NOL12: variants seen among roughly 807,000 people sequenced by gnomAD.
NOL12 encodes the protein nucleolar protein 12.
In NOL12, 21 loss-of-function variants were observed where a neutral mutation model predicts 25.2. That is an observed-to-expected ratio of 0.83 (90% CI 0.59 to 1.20). NOL12 has a LOEUF of 1.20. NOL12 is among the 50% of genes most tolerant of loss of function. The pLI is 0.00. For synonymous variants in NOL12, 133 were observed against 113.8 expected (o/e 1.17, Z -1.08); for missense variants, 286 against 287.6 (o/e 0.99, Z 0.04).
chr22:37,691,000 G>A (rs916647444), intron 5 of NOL12, 174 bp from the exon 6 acceptor site: 2 of 782,214 alleles, frequency 2.6e-6, no homozygotes, highest in African/African-American at 1.7e-5. Flanking sequence ...TGGGTGAAGG[G>A]CCTGTGTCTC....
intron 4 of NOL12, among the ~76,000 whole-genome samples, chr22:37,689,823 GT>G (rs1175511484): frequency 7.9e-5 from 12 of 152,064 alleles, no homozygotes; most frequent in Admixed American, 2.0e-4. Flanking sequence ...GGGGTCAGGA[GT>G]TTGAGACCAG....
At chr22:37,687,724 C>T (rs1359426135) in intron 1 of NOL12, 186 bp from the exon 2 acceptor site, 9 of 488,576 alleles carry the variant, frequency 1.8e-5, no homozygotes, top group African/African-American at 1.2e-4. Flanking sequence ...TTCCAAAGTA[C>T]TGGGATTACA....
At position 37,688,107 on chromosome 22, in the gene NOL12, C is replaced by T. The variant is rs1453640755; in HGVS notation, c.189+92C>T. The T allele has an allele frequency of 1.6e-5, 20 of 1,218,392 alleles. No individual in the cohort carries two copies. In the East Asian group the frequency reaches 3.6e-4, roughly 22 times the overall value. 75.5% of individuals were successfully genotyped at this position (1,218,392 alleles called of 1,614,324 possible). ...AATAGAGGCAGCTGCTGGCATGGGG[C>T]GATGTGTGTGTGGGCAGGACTGGGG... On this transcript the variant is annotated intron_variant, in intron 2 of 5. Coordinates refer to ENST00000359114, the MANE Select transcript of NOL12 (RefSeq NM_024313.3).
Position 37,686,939 on chromosome 22 carries a change from C to T in NOL12, c.83+464C>T, listed in dbSNP as rs545717047. On this transcript the variant is annotated intron_variant, in intron 1 of 5. Transcript: ENST00000359114. ...AGCGTCTGGCCAGATAAATAAATGGCACATGGTAGCGGGTCAGCGAAAAGC... is the reference window on the plus strand; with the variant it reads ...AGCGTCTGGCCAGATAAATAAATGGTACATGGTAGCGGGTCAGCGAAAAGC... 4 of 985,332 alleles carry T rather than the reference C, an allele frequency of 4.1e-6. No individual in the cohort carries two copies. In the African/African-American group the frequency reaches 5.2e-5, roughly 13 times the overall value. 61.0% of individuals were successfully genotyped at this position (985,332 alleles called of 1,614,324 possible).
chr22:37,687,529 C>T (rs1921875018), intron 1 of NOL12, among the ~76,000 whole-genome samples: 1 of 152,100 alleles, frequency 6.6e-6, no homozygotes, highest in South Asian at 2.1e-4. Flanking sequence ...ATGATCTCGG[C>T]TCACTGCAAC....
Position 37,690,184 on chromosome 22 carries a change from G to C in NOL12, c.382-513G>C, listed in dbSNP as rs541981064. ...AAAACTCCGTCTCAAAAAAAACTTA[G>C]CCAGGCATGGTGGCGTGCACCTGTA... On this transcript the variant is annotated intron_variant, in intron 4 of 5. Transcript: ENST00000359114. Among the ~76,000 whole-genome samples, 13 of 152,018 alleles carry C rather than the reference G, an allele frequency of 8.6e-5. No homozygotes were observed. In the East Asian group the frequency reaches 2.3e-3, roughly 27 times the overall value.
chr22:37,688,760 GA>G (rs1313685538), intron 3 of NOL12, 89 bp from the exon 4 acceptor site: 2 of 1,364,762 alleles, frequency 1.5e-6, no homozygotes, highest in African/African-American at 2.9e-5. Context: ...CCACAGAGTA[GA>G]GGGGGCACTG....
intron 4 of NOL12, 92 bp from the exon 5 acceptor site, chr22:37,690,605 C>A (rs1264769982): frequency 2.3e-6 from 2 of 851,450 alleles, no homozygotes; most frequent in Non-Finnish European, 3.8e-6. Flanking sequence ...CAGGGCGCGC[C>A]ACCACTTGCC....
At chr22:37,690,644 C>A (rs2145798081) in intron 4 of NOL12, 53 bp from the exon 5 acceptor site, 1 of 1,383,586 alleles carries the variant, frequency 7.2e-7, no homozygotes, top group Non-Finnish European at 1.0e-6. Flanking sequence ...GGTGCCCAGC[C>A]CAGGTCCCCC....
rs1045662320 is a variant in NOL12 at position 37,692,298 on chromosome 22, A to G, written c.*962A>G. On this transcript the variant is annotated 3_prime_UTR_variant, in exon 6 of 6. Transcript: ENST00000359114. Reference sequence around the variant, plus strand: ...CTTGAACCCTGGAGGCGGAGGCTGCAGTGAGCCGAGATCACGCCATTGCAC... The same window carrying G: ...CTTGAACCCTGGAGGCGGAGGCTGCGGTGAGCCGAGATCACGCCATTGCAC... 2 of 386,770 alleles carry G rather than the reference A, an allele frequency of 5.2e-6. No individual in the cohort carries two copies. The highest frequency in any genetic ancestry group is 4.6e-6 in the Non-Finnish European group (1 of 219,126). The allele number at this position is 386,770 out of a possible 1,614,324, so 24.0% of individuals were successfully genotyped here.
intron 1 of NOL12, 95 bp downstream of exon 1, chr22:37,686,570 G>C: frequency 1.4e-6 from 2 of 1,413,348 alleles, no homozygotes; most frequent in East Asian, 3.0e-5. Flanking sequence ...GGGCTCTTCC[G>C]GTCCCGCCCC....
At chr22:37,686,655 C>G (rs758247533) in intron 1 of NOL12, 180 bp downstream of exon 1, 1 of 985,310 alleles carries the variant, frequency 1.0e-6, no homozygotes, top group African/African-American at 1.7e-5. Flanking sequence ...GCCACCTTCT[C>G]CCTTCTTGAC....
In NOL12 at chr22:37,686,707, G is replaced by A. The variant is rs571993765; in HGVS notation, c.83+232G>A. 31 of 985,440 alleles carry A rather than the reference G, an allele frequency of 3.1e-5. No individual in the cohort carries two copies. In the African/African-American group the frequency reaches 5.1e-4, roughly 16 times the overall value. The allele number at this position is 985,440 out of a possible 1,614,324, so 61.0% of individuals were successfully genotyped here. ...GTGTCTGTGCGCCGCCAGATAGCCGGAAGCTCGGGTCTCAGAGCAGTGGCT... is the reference window on the plus strand; with the variant it reads ...GTGTCTGTGCGCCGCCAGATAGCCGAAAGCTCGGGTCTCAGAGCAGTGGCT... On this transcript the variant is annotated intron_variant, in intron 1 of 5. Coordinates refer to ENST00000359114, the MANE Select transcript of NOL12 (RefSeq NM_024313.3).
rs918455701 is a variant in NOL12 at position 37,689,099 on chromosome 22, G to C, written c.381+107G>C. The stretch of plus-strand genomic sequence containing the variant: ...ATGGGTATCCCACTGCCAGCCCTGG[G>C]AAGAAGGGGCGTGGGGGCAGACTGG... On this transcript the variant is annotated intron_variant, in intron 4 of 5. Coordinates refer to ENST00000359114, the MANE Select transcript of NOL12 (RefSeq NM_024313.3). 7.3e-6 allele frequency: 10 copies of C among 1,366,356 alleles called. No individual in the cohort carries two copies. In the African/African-American group the frequency reaches 1.1e-4, roughly 16 times the overall value. 84.6% of individuals were successfully genotyped at this position (1,366,356 alleles called of 1,614,324 possible). A position where few individuals can be genotyped will look rare whatever the true frequency, so the allele number is the denominator to read the frequency against.
chr22:37,689,572 A>T (rs1015999714), intron 4 of NOL12, among the ~76,000 whole-genome samples: 2 of 152,230 alleles, frequency 1.3e-5, no homozygotes, highest in Non-Finnish European at 2.9e-5. Flanking sequence ...CGAAAGTGTC[A>T]TGTTAAATAT....
intron 5 of NOL12, 37 bp downstream of exon 5, chr22:37,690,831 T>C: frequency 2.7e-6 from 4 of 1,498,192 alleles, no homozygotes; most frequent in Non-Finnish European, 3.7e-6. Context: ...GTCCCACCCC[T>C]CCTGGCTGGC....
intron 4 of NOL12, among the ~76,000 whole-genome samples, chr22:37,689,518 G>T (rs2145797190): frequency 6.6e-6 from 1 of 152,256 alleles, no homozygotes; most frequent in South Asian, 2.1e-4. Flanking sequence ...TGAATCATGA[G>T]TAGGTTGCAA....
intron 4 of NOL12, among the ~76,000 whole-genome samples, chr22:37,689,648 T>C (rs1303351931): frequency 6.6e-6 from 1 of 152,250 alleles, no homozygotes; most frequent in South Asian, 2.1e-4. Flanking sequence ...TATGGACATA[T>C]ATGCACACAA....
At chr22:37,687,656 C>T (rs1921880321) in intron 1 of NOL12, 1 of 321,572 alleles carries the variant, frequency 3.1e-6, no homozygotes, top group African/African-American at 2.2e-5. Flanking sequence ...CGGAGTTTCA[C>T]CATGTTTGCC....
Sources: allele counts gnomAD v4.1 joint callset (sites outside exome capture counted in the v4.1 genomes callset), GRCh38; gene constraint gnomAD v4.1.1; transcripts MANE v1.5; gene names NCBI Gene and HGNC (gene_info 2026-07-23, HGNC 2026-07-21).